The following XKR9 variants were observed in gnomAD, a reference collection of about 807,000 sequenced individuals.
XKR9 encodes XK related 9, also known as XK-related protein 9.
XKR9 carries 32 observed loss-of-function variants against 32.0 expected under a neutral mutation model. The ratio of observed to expected loss-of-function variants is 1.00; its 90% CI spans 0.76 to 1.34. The LOEUF is 1.34. XKR9 is among the 40% of genes most tolerant of loss of function. The pLI, the probability that XKR9 is intolerant of heterozygous loss-of-function variation, is 0.00. For missense variants in XKR9, 546 were observed against 429.7 expected (o/e 1.27, Z -2.39); for synonymous variants, 168 against 143.4 (o/e 1.17, Z -1.22).
At chr8:70,751,242 G>A (rs528620070) in intron 2 of XKR9, among the ~76,000 whole-genome samples, 56 of 152,190 alleles carry the variant, frequency 3.7e-4, no homozygotes, top group African/African-American at 1.2e-3. Flanking sequence ...GGATTCTCCC[G>A]CCTCAGCCTC....
At chr8:70,873,375 G>T in the XKR9 span, among the ~76,000 whole-genome samples, 3 of 152,130 alleles carry the variant, frequency 2.0e-5, no homozygotes, top group Non-Finnish European at 4.4e-5. Flanking sequence ...TGATGGACCT[G>T]GCAAAATAAA....
chr8:70,985,630 A>T, the XKR9 span, among the ~76,000 whole-genome samples: 2 of 152,222 alleles, frequency 1.3e-5, no homozygotes, highest in Non-Finnish European at 2.9e-5. Flanking sequence ...CTTCTAAGGC[A>T]TATGCTACCT....
chr8:70,941,653 G>T, the XKR9 span, among the ~76,000 whole-genome samples: 3 of 152,132 alleles, frequency 2.0e-5, no homozygotes, highest in Non-Finnish European at 2.9e-5. Flanking sequence ...TGGAAATTGA[G>T]TGTCTTAGGT....
At chr8:70,907,089 G>A in the XKR9 span, among the ~76,000 whole-genome samples, 1 of 152,086 alleles carries the variant, frequency 6.6e-6, no homozygotes, top group East Asian at 1.9e-4. Flanking sequence ...TTATAGCTTT[G>A]CCCTTCCTGA....
At chr8:70,917,499 G>A in the XKR9 span, among the ~76,000 whole-genome samples, 59 of 152,080 alleles carry the variant, frequency 3.9e-4, no homozygotes, top group Admixed American at 1.5e-3. Flanking sequence ...TCTATGATGG[G>A]TTTATTTGGG....
chr8:70,700,559 G>A (rs1805484366), intron 3 of XKR9, among the ~76,000 whole-genome samples: 2 of 152,170 alleles, frequency 1.3e-5, no homozygotes, highest in African/African-American at 4.8e-5. Flanking sequence ...TCTCAGAAGA[G>A]TACCCAGCCA....
intron 1 of XKR9, among the ~76,000 whole-genome samples, chr8:70,671,189 A>G (rs1818703218): frequency 6.6e-6 from 1 of 152,230 alleles, no homozygotes; most frequent in Non-Finnish European, 1.5e-5. Flanking sequence ...TGCAGGCTTG[A>G]GCCACCATGC....
At chr8:70,853,956 T>C in the XKR9 span, among the ~76,000 whole-genome samples, 1 of 152,194 alleles carries the variant, frequency 6.6e-6, no homozygotes, top group South Asian at 2.1e-4. Flanking sequence ...GTTCCAAGTC[T>C]TTGCTATTGT....
At chr8:70,689,757 A>G (rs1210802523) in intron 3 of XKR9, among the ~76,000 whole-genome samples, 1 of 152,128 alleles carries the variant, frequency 6.6e-6, no homozygotes, top group Admixed American at 6.5e-5. Flanking sequence ...TTGGGTGAAG[A>G]GACAAGGTAC....
At chr8:70,979,560 C>A in the XKR9 span, among the ~76,000 whole-genome samples, 1 of 152,176 alleles carries the variant, frequency 6.6e-6, no homozygotes, top group Non-Finnish European at 1.5e-5. Flanking sequence ...CTGGGTATCT[C>A]CAGCGGAGGC....
At chr8:70,724,070 G>C (rs1025949690) in intron 4 of XKR9, among the ~76,000 whole-genome samples, 1 of 151,992 alleles carries the variant, frequency 6.6e-6, no homozygotes, top group African/African-American at 2.4e-5. Flanking sequence ...CCTTTTCTTC[G>C]GAGATGCCCT....
chr8:71,010,375 C>T, the XKR9 span, among the ~76,000 whole-genome samples: 1 of 152,292 alleles, frequency 6.6e-6, no homozygotes, highest in African/African-American at 2.4e-5. Context: ...AACACAGTTC[C>T]TTTGCATTTG....
chr8:70,828,720 CAAAAAAAAAGAA>C, the XKR9 span, among the ~76,000 whole-genome samples: 1 of 81,250 alleles, frequency 1.2e-5, no homozygotes, highest in Non-Finnish European at 2.5e-5. Context: ...GACTATGTCT[CAAAAAAAAAGAA>C]AAAAAAAAAA....
Position 70,696,770 on chromosome 8 carries a change from G to C in XKR9, c.273-10163G>C, listed in dbSNP as rs1408398737. On this transcript the variant is annotated intron_variant, in intron 3 of 4. Coordinates refer to ENST00000408926, the MANE Select transcript of XKR9 (RefSeq NM_001011720.2). Reference sequence around the variant, plus strand: ...TGACATTGAATCTATAAATTACCTTGGGCAGTATGGCCATTTTCACGATAT... The same window carrying C: ...TGACATTGAATCTATAAATTACCTTCGGCAGTATGGCCATTTTCACGATAT... 5.3e-5 allele frequency among the ~76,000 whole-genome samples: 8 copies of C among 151,262 alleles called. No homozygotes were observed. In the South Asian group the frequency reaches 8.4e-4, roughly 16 times the overall value.
intron 2 of XKR9, among the ~76,000 whole-genome samples, chr8:70,778,856 G>A (rs1243174768): frequency 5.3e-5 from 8 of 152,220 alleles, no homozygotes; most frequent in Middle Eastern, 3.4e-3. Flanking sequence ...GGGCTGAGAC[G>A]ATGGGGTTTT....
At chr8:70,825,920 A>T in the XKR9 span, among the ~76,000 whole-genome samples, 5 of 152,062 alleles carry the variant, frequency 3.3e-5, no homozygotes, top group African/African-American at 4.8e-5. Flanking sequence ...AAAATAAACT[A>T]TACTTCCTTC....
chr8:71,014,293 G>A, the XKR9 span, among the ~76,000 whole-genome samples: 1 of 152,210 alleles, frequency 6.6e-6, no homozygotes, highest in Admixed American at 6.5e-5. Context: ...CGGGGCTGCT[G>A]TAACAAATTA....
At chr8:70,884,186 G>T in the XKR9 span, among the ~76,000 whole-genome samples, 24 of 152,046 alleles carry the variant, frequency 1.6e-4, no homozygotes, top group African/African-American at 3.4e-4. Context: ...TACATCTTTG[G>T]TGATGTGTTT....
chr8:70,738,282 G>C, downstream of XKR9, among the ~76,000 whole-genome samples: 1 of 143,874 alleles, frequency 7.0e-6, no homozygotes, highest in Non-Finnish European at 1.6e-5. Context: ...ATTCTCTGAT[G>C]GTAGTTTGTA....
Sources: gnomAD v4.1 joint callset for allele counts (sites outside exome capture counted in the v4.1 genomes callset) on GRCh38, gnomAD v4.1.1 for gene constraint, MANE v1.5 for transcripts, NCBI Gene and HGNC (gene_info 2026-07-23, HGNC 2026-07-21) for gene names.